Variants in NEK1 observed in about 807,000 individuals in gnomAD.
NEK1 encodes the protein serine/threonine-protein kinase Nek1.
In NEK1, 137 loss-of-function variants were observed where a neutral mutation model predicts 182.1. The observed-to-expected ratio is 0.75, with a 90% confidence interval of 0.65 to 0.87. The LOEUF (loss-of-function observed/expected upper bound fraction) is 0.87, where lower values mean the gene tolerates loss of function less well. Ranked by LOEUF, NEK1 falls within the 40% of genes least tolerant of loss-of-function variation. The pLI, the probability that NEK1 is intolerant of heterozygous loss-of-function variation, is 0.00. For missense variants in NEK1, 1,391 were observed against 1,494.4 expected (o/e 0.93, Z 1.14); for synonymous variants, 513 against 492.2 (o/e 1.04, Z -0.56).
intron 2 of NEK1, among the ~76,000 whole-genome samples, chr4:169,605,841 G>C (rs948857044): frequency 6.6e-6 from 1 of 152,114 alleles, no homozygotes; most frequent in African/African-American, 2.4e-5. Flanking sequence ...TGATCCTGAA[G>C]ATAAGCAACA....
intron 35 of NEK1, among the ~76,000 whole-genome samples, chr4:169,396,782 G>A (rs967407436): frequency 6.6e-6 from 1 of 151,988 alleles, no homozygotes; most frequent in Non-Finnish European, 1.5e-5. Flanking sequence ...TGTCACTTTC[G>A]GGTGAGCGAG....
chr4:169,562,330 C>CT, intron 12 of NEK1, 134 bp from the exon 13 acceptor site: 1 of 523,356 alleles, frequency 1.9e-6, no homozygotes, highest in Non-Finnish European at 3.1e-6. Context: ...ATTACATTAT[C>CT]TTAAAAAAAA....
chr4:169,542,200 C>T (rs1284927784), intron 18 of NEK1, among the ~76,000 whole-genome samples: 1 of 152,138 alleles, frequency 6.6e-6, no homozygotes, highest in African/African-American at 2.4e-5. Context: ...GTGTGATGTT[C>T]CCCTTCGTGT....
chr4:169,588,630 T>G lies in NEK1; in HGVS notation c.551+19A>C. 7.0e-7 allele frequency: 1 copy of G among 1,423,326 alleles called. No individual in the cohort carries two copies. 88.2% of individuals were successfully genotyped at this position (1,423,326 alleles called of 1,614,324 possible). ...AATTGAAAGCAAATACATCACATAA[T>G]GAATATCATTTTAAATACCTTTTAT... On this transcript the variant is annotated intron_variant, in intron 8 of 35. Transcript: ENST00000507142.
chr4:169,530,441 T>C (rs775542924), intron 19 of NEK1, among the ~76,000 whole-genome samples: 35 of 152,186 alleles, frequency 2.3e-4, no homozygotes, highest in Non-Finnish European at 4.0e-4. Context: ...ATATGAGATA[T>C]TGAACACTTT....
At chr4:169,584,650 T>G (rs1307362341) in intron 10 of NEK1, among the ~76,000 whole-genome samples, 1 of 152,158 alleles carries the variant, frequency 6.6e-6, no homozygotes, top group Non-Finnish European at 1.5e-5. Context: ...GTAAAATACA[T>G]TGATATGTAG....
At chr4:169,466,540 T>C (rs1312824682) in intron 26 of NEK1, among the ~76,000 whole-genome samples, 9 of 151,990 alleles carry the variant, frequency 5.9e-5, no homozygotes, top group Admixed American at 4.6e-4. Flanking sequence ...AAAATTTCAA[T>C]TTAGAATTCT....
chr4:169,470,977 A>G (rs949868149), intron 26 of NEK1, among the ~76,000 whole-genome samples: 20 of 152,156 alleles, frequency 1.3e-4, no homozygotes, highest in Admixed American at 1.3e-3. Context: ...TCCATCAGGT[A>G]ATTTATGTTG....
At chr4:169,607,564 G>T in intron 2 of NEK1, among the ~76,000 whole-genome samples, 1 of 151,988 alleles carries the variant, frequency 6.6e-6, no homozygotes. Flanking sequence ...CCAGGTTCAC[G>T]CCATTCTTCT....
intron 23 of NEK1, among the ~76,000 whole-genome samples, chr4:169,491,136 CAAAAAAAAAAAAAA>C (rs70964208): frequency 2.4e-4 from 11 of 45,904 alleles, no homozygotes; most frequent in Admixed American, 3.3e-4. Context: ...GACTCCATCT[CAAAAAAAAAAAAAA>C]AAAAAAAAAA....
chr4:169,523,454 G>C (rs1346769896), intron 19 of NEK1, among the ~76,000 whole-genome samples: 1 of 152,220 alleles, frequency 6.6e-6, no homozygotes, highest in Non-Finnish European at 1.5e-5. Context: ...TGAAGGCAGA[G>C]ATCAGGATGC....
At position 169,508,836 on chromosome 4, in the gene NEK1, A is replaced by G. The variant is rs1375925364; in HGVS notation, c.1682T>C (p.Leu561Pro). The change falls in exon 20 of 36, where the codon CTG (leucine) becomes CCG (proline). Residue 561 changes from leucine to proline, a missense_variant. Physicochemically the swap from Leu to Pro is moderately conservative, Grantham distance 98. This residue lies in a region of NEK1 where 1,216 missense variants were observed against 1,277.6 expected (regional missense o/e 0.95). Coordinates refer to ENST00000507142, the MANE Select transcript of NEK1 (RefSeq NM_001199397.3). ...AEGHMGILQNLAAMYGGRPSS... is the reference protein window; with the variant it reads ...AEGHMGILQNPAAMYGGRPSS... ...GGGCCTGCCTCCATACATAGCTGCCAGGTTTTGCAGGATTCCCTGTTTATC... is the reference window on the plus strand; with the variant it reads ...GGGCCTGCCTCCATACATAGCTGCCGGGTTTTGCAGGATTCCCTGTTTATC... 6.3e-7 allele frequency: 1 copy of G among 1,591,040 alleles called. No homozygotes were observed. Among genetic ancestry groups the G allele is most frequent in the Non-Finnish European group, 8.5e-7 (1 of 1,176,288 alleles).
chr4:169,404,565 C>T (rs1026527250), intron 32 of NEK1, among the ~76,000 whole-genome samples: 1 of 151,998 alleles, frequency 6.6e-6, no homozygotes, highest in African/African-American at 2.4e-5. Flanking sequence ...AAAGCAGAAA[C>T]AAGTTCAAAG....
At chr4:169,526,219 AT>A (rs1226788928) in intron 19 of NEK1, among the ~76,000 whole-genome samples, 1 of 152,216 alleles carries the variant, frequency 6.6e-6, no homozygotes, top group Non-Finnish European at 1.5e-5. Flanking sequence ...ACCAGTCACA[AT>A]GGGTCATGCA....
At chr4:169,487,689 T>C (rs568571988) in intron 23 of NEK1, among the ~76,000 whole-genome samples, 27 of 152,324 alleles carry the variant, frequency 1.8e-4, no homozygotes, top group African/African-American at 6.5e-4. Context: ...AGTAATGGGA[T>C]TGCTGGGTCA....
At chr4:169,514,030 G>A (rs1754666527) in intron 19 of NEK1, among the ~76,000 whole-genome samples, 2 of 149,448 alleles carry the variant, frequency 1.3e-5, no homozygotes, top group Non-Finnish European at 1.5e-5. Flanking sequence ...CTGTTGCCCA[G>A]GCTGGAGTAC....
chr4:169,508,436 C>G, intron 20 of NEK1, 105 bp from the exon 21 acceptor site: 1 of 874,982 alleles, frequency 1.1e-6, no homozygotes, highest in Non-Finnish European at 1.7e-6. Context: ...AATTTGAACA[C>G]AAGAAATAAA....
intron 23 of NEK1, among the ~76,000 whole-genome samples, chr4:169,486,462 T>C (rs1477263730): frequency 6.6e-6 from 1 of 152,200 alleles, no homozygotes; most frequent in Non-Finnish European, 1.5e-5. Flanking sequence ...ATTTTCATCT[T>C]TATGCTGACT....
chr4:169,507,823 A>T, intron 21 of NEK1, 31 bp from the exon 22 acceptor site: 2 of 1,497,092 alleles, frequency 1.3e-6, no homozygotes, highest in African/African-American at 2.7e-5. Flanking sequence ...CAAATCACTT[A>T]GGATAGAATC....
Sources: allele counts gnomAD v4.1 joint callset (sites outside exome capture counted in the v4.1 genomes callset), GRCh38; gene constraint gnomAD v4.1.1; regional missense constraint gnomAD v4.1.1; transcripts MANE v1.5; gene names NCBI Gene and HGNC (gene_info 2026-07-23, HGNC 2026-07-21).